Variants in GAN observed in about 807,000 individuals in gnomAD.
GAN encodes epididymis secretory sperm binding protein.
A neutral mutation model predicts 71.3 loss-of-function variants in GAN; 48 were observed. The ratio of observed to expected loss-of-function variants is 0.67; its 90% CI spans 0.53 to 0.86. GAN has a LOEUF of 0.86. Among genes scored for constraint, GAN ranks in the 40% least tolerant of loss-of-function variants. The probability of loss-of-function intolerance (pLI) is 0.00; values close to 1 mark genes in which losing one functional copy is unlikely to be tolerated. For synonymous variants in GAN, 386 were observed against 276.8 expected, an observed-to-expected ratio of 1.39 and a Z score of -3.92; for missense variants, 928 against 770.1, an observed-to-expected ratio of 1.21 and a Z score of -2.43.
At chr16:81,356,721 A>G in intron 3 of GAN, 64 bp from the exon 4 acceptor site, 1 of 1,122,772 alleles carries the variant, frequency 8.9e-7, no homozygotes, top group Admixed American at 1.7e-5. Context: ...GAAAATGTAG[A>G]TTCTAAAAAT....
In GAN at chr16:81,377,740, A is replaced by G; in HGVS notation, c.*144A>G. The stretch of plus-strand genomic sequence containing the variant: ...TTTGGTGGTTTTATGATGCTTACAA[A>G]CTTGAGCTTTAGCTCTTGTTTGGGA... On this transcript the variant is annotated 3_prime_UTR_variant, in exon 11 of 11. Coordinates refer to ENST00000648994, the MANE Select transcript of GAN (RefSeq NM_022041.4). The G allele has an allele frequency of 1.3e-6, 1 of 796,516 alleles. No homozygotes were observed. The highest frequency in any genetic ancestry group is 2.2e-6 in the Non-Finnish European group (1 of 461,412). 49.3% of individuals were successfully genotyped at this position (796,516 alleles called of 1,614,324 possible).
chr16:81,359,193 C>A (rs7199407), intron 5 of GAN, among the ~76,000 whole-genome samples: 63,357 of 151,024 alleles, frequency 0.42, 13,927 homozygotes, highest in Middle Eastern at 0.54. Context: ...GAATTAGCTC[C>A]CTTACATTTC....
chr16:81,352,095 G>A (rs2150684111), intron 2 of GAN, among the ~76,000 whole-genome samples: 1 of 152,300 alleles, frequency 6.6e-6, no homozygotes, highest in East Asian at 1.9e-4. Flanking sequence ...CATGGAAATA[G>A]GAACTTCCTG....
chr16:81,320,810 T>C (rs1909199166), intron 1 of GAN, among the ~76,000 whole-genome samples: 1 of 152,202 alleles, frequency 6.6e-6, no homozygotes, highest in Admixed American at 6.5e-5. Flanking sequence ...TAGACTTTGT[T>C]TTTATCTACT....
chr16:81,354,107 G>T (rs1910401625), intron 2 of GAN, among the ~76,000 whole-genome samples: 2 of 152,106 alleles, frequency 1.3e-5, no homozygotes, highest in Non-Finnish European at 2.9e-5. Context: ...GTTTTTCTCT[G>T]AATTACAGAA....
chr16:81,344,098 C>G (rs1297308387), intron 1 of GAN, among the ~76,000 whole-genome samples: 1 of 152,134 alleles, frequency 6.6e-6, no homozygotes, highest in East Asian at 1.9e-4. Context: ...AACCACTGCT[C>G]AAGGAAATAA....
intron 1 of GAN, among the ~76,000 whole-genome samples, chr16:81,335,337 T>G (rs1909719125): frequency 6.6e-6 from 1 of 152,168 alleles, no homozygotes; most frequent in Admixed American, 6.5e-5. Flanking sequence ...TTAAAATGGC[T>G]GGACACAGTG....
chr16:81,363,598 TC>T (rs1910749210), intron 6 of GAN, among the ~76,000 whole-genome samples, 195 bp from the exon 7 acceptor site: 1 of 152,196 alleles, frequency 6.6e-6, no homozygotes, highest in African/African-American at 2.4e-5. Flanking sequence ...ATTAATCCAG[TC>T]TCCCAGGTAC....
chr16:81,325,649 G>T (rs375537689), intron 1 of GAN, among the ~76,000 whole-genome samples: 1 of 152,294 alleles, frequency 6.6e-6, no homozygotes, highest in African/African-American at 2.4e-5. Context: ...CACTGGGACA[G>T]TGTCCTAGGC....
chr16:81,354,723 C>A lies in GAN; in HGVS notation c.601C>A (p.Arg201=). The change falls in exon 3 of 11, where the codon CGA becomes AGA. Residue 201 remains arginine, a synonymous_variant. Coordinates refer to ENST00000648994, the MANE Select transcript of GAN (RefSeq NM_022041.4). ...NERYVFEAVI[R]WIAHDTEIRK... is the part of the protein sequence containing the mutation. Reference sequence around the variant, plus strand: ...AAGATATGTCTTTGAAGCAGTAATTCGATGGATAGCACATGATACAGAAAT... The same window carrying A: ...AAGATATGTCTTTGAAGCAGTAATTAGATGGATAGCACATGATACAGAAAT... 1 of 1,602,102 alleles carries A rather than the reference C, an allele frequency of 6.2e-7. No homozygotes were observed. The highest frequency in any genetic ancestry group is 1.1e-5 in the South Asian group (1 of 90,762).
At chr16:81,339,813 A>G (rs984480574) in intron 1 of GAN, among the ~76,000 whole-genome samples, 3 of 152,152 alleles carry the variant, frequency 2.0e-5, no homozygotes, top group African/African-American at 7.2e-5. Flanking sequence ...GGGCAGGCAC[A>G]AATGGTATTG....
intron 1 of GAN, among the ~76,000 whole-genome samples, chr16:81,328,986 A>G (rs1051245951): frequency 2.6e-5 from 4 of 152,282 alleles, no homozygotes; most frequent in East Asian, 1.9e-4. Flanking sequence ...TTTCATCTAC[A>G]GTATTAGATG....
intron 1 of GAN, among the ~76,000 whole-genome samples, chr16:81,336,486 T>C (rs1456281104): frequency 6.6e-6 from 1 of 152,106 alleles, no homozygotes. Flanking sequence ...TATTTTGAGA[T>C]AGGGTCTCAC....
chr16:81,370,800 A>G (rs948488929), intron 9 of GAN, among the ~76,000 whole-genome samples: 2 of 152,194 alleles, frequency 1.3e-5, no homozygotes, highest in South Asian at 2.1e-4. Flanking sequence ...TGTTTCATTG[A>G]TTCCTACACT....
intron 2 of GAN, among the ~76,000 whole-genome samples, chr16:81,352,580 C>T (rs1440875556): frequency 6.6e-6 from 1 of 152,088 alleles, no homozygotes; most frequent in Non-Finnish European, 1.5e-5. Context: ...GTTTTCCTTT[C>T]TGTAGGGGCT....
Position 81,356,982 on chromosome 16 carries a change from T to G in GAN, c.831T>G (p.Thr277=), listed in dbSNP as rs1337406075. The G allele has an allele frequency of 3.1e-6, 5 of 1,607,830 alleles. No individual in the cohort carries two copies. In the Admixed American group the frequency reaches 6.7e-5, roughly 21 times the overall value. ...KPRGYSECIV[T]VGGEERVSRK... ...GGGGCTACTCTGAGTGCATCGTGAC[T>G]GTTGGTGGAGAAGAGAGAGTGTAAG... is the stretch of plus-strand genomic sequence containing the variant. Residue 277 remains threonine, a synonymous_variant, in exon 4 of 11, where the codon ACT becomes ACG. Transcript: ENST00000648994.
At position 81,390,335 on chromosome 16, in the gene GAN, A is replaced by C. The variant is rs1016627243; in HGVS notation, c.*12739A>C. ...TGTTTTGTGGAATAATTTTCTGTTC[A>C]CTTGCTGATAAGAAATTTAGCAGTC... On this transcript the variant is annotated 3_prime_UTR_variant, in exon 11 of 11. Coordinates refer to ENST00000648994, the MANE Select transcript of GAN (RefSeq NM_022041.4). The C allele has an allele frequency of 6.6e-6, 1 of 152,244 alleles. No homozygotes were observed. The highest frequency in any genetic ancestry group is 1.5e-5 in the Non-Finnish European group (1 of 68,034). 9.4% of individuals were successfully genotyped at this position (152,244 alleles called of 1,614,324 possible).
intron 1 of GAN, among the ~76,000 whole-genome samples, chr16:81,347,101 A>G (rs921360845): frequency 7.9e-5 from 12 of 152,182 alleles, no homozygotes; most frequent in Admixed American, 2.6e-4. Context: ...TCAAAGCCAG[A>G]TATTTCGGTA....
intron 1 of GAN, among the ~76,000 whole-genome samples, chr16:81,321,231 CTG>C (rs1384949964): frequency 6.6e-6 from 1 of 152,170 alleles, no homozygotes; most frequent in Non-Finnish European, 1.5e-5. Flanking sequence ...AGACTAGTGT[CTG>C]TAGCATAGAG....
Sources: gnomAD v4.1 joint callset for allele counts (sites outside exome capture counted in the v4.1 genomes callset) on GRCh38, gnomAD v4.1.1 for gene constraint, MANE v1.5 for transcripts, NCBI Gene and HGNC (gene_info 2026-07-23, HGNC 2026-07-21) for gene names.